TTC7B: variants seen among roughly 807,000 people sequenced by gnomAD.
The protein encoded by TTC7B is tetratricopeptide repeat domain 7B, also known as tetratricopeptide repeat protein 7B.
Under a neutral mutation model 106.8 loss-of-function variants are expected in TTC7B, and 28 were observed. That is an observed-to-expected ratio of 0.26 (90% confidence interval 0.19 to 0.36). The LOEUF (loss-of-function observed/expected upper bound fraction) is 0.36. Ranked by LOEUF, TTC7B falls within the 10% of genes least tolerant of loss-of-function variation. The pLI, the probability that TTC7B is intolerant of heterozygous loss-of-function variation, is 1.00. For synonymous variants in TTC7B, 405 were observed against 430.6 expected, an observed-to-expected ratio of 0.94 and a Z score of 0.74; for missense variants, 862 against 1,076.4, an observed-to-expected ratio of 0.80 and a Z score of 2.79.
intron 16 of TTC7B, among the ~76,000 whole-genome samples, chr14:90,612,779 A>G (rs993827994): frequency 3.3e-5 from 5 of 152,176 alleles, no homozygotes; most frequent in African/African-American, 1.2e-4. Flanking sequence ...TGTGTATAAA[A>G]CCACATACCT....
chr14:90,719,535 T>C (rs1888803177), intron 5 of TTC7B, among the ~76,000 whole-genome samples: 1 of 152,100 alleles, frequency 6.6e-6, no homozygotes, highest in South Asian at 2.1e-4. Flanking sequence ...ACGTGGGGCC[T>C]GAGATGTTAA....
chr14:90,750,825 A>G (rs1890112233), intron 3 of TTC7B, among the ~76,000 whole-genome samples: 1 of 152,240 alleles, frequency 6.6e-6, no homozygotes, highest in East Asian at 1.9e-4. Flanking sequence ...ATCTCAGAGC[A>G]ATGGCAGAGT....
chr14:90,705,375 G>C (rs979186790), intron 5 of TTC7B, among the ~76,000 whole-genome samples: 1 of 152,096 alleles, frequency 6.6e-6, no homozygotes, highest in Non-Finnish European at 1.5e-5. Context: ...AACTGATAAG[G>C]AGGGAAACTG....
chr14:90,589,360 G>A (rs1595183616), intron 18 of TTC7B, among the ~76,000 whole-genome samples: 1 of 152,192 alleles, frequency 6.6e-6, no homozygotes, highest in Non-Finnish European at 1.5e-5. Context: ...ATGAAATGGT[G>A]CAGGATTTGC....
intron 18 of TTC7B, among the ~76,000 whole-genome samples, chr14:90,584,695 A>G (rs568162386): frequency 2.6e-4 from 40 of 151,332 alleles, no homozygotes; most frequent in African/African-American, 9.0e-4. Flanking sequence ...GAAAGGACGC[A>G]TGGCAGTAGG....
At chr14:90,568,227 C>A (rs765670878) in intron 19 of TTC7B, among the ~76,000 whole-genome samples, 1 of 152,070 alleles carries the variant, frequency 6.6e-6, no homozygotes, top group Non-Finnish European at 1.5e-5. Flanking sequence ...AAGTAAGGAG[C>A]GGGAATCGGG....
chr14:90,730,719 G>A (rs1189263162), intron 4 of TTC7B, among the ~76,000 whole-genome samples: 1 of 152,196 alleles, frequency 6.6e-6, no homozygotes, highest in Non-Finnish European at 1.5e-5. Context: ...CAGAGCTGAG[G>A]GACATTGCAG....
chr14:90,780,023 A>C (rs1428222201), intron 3 of TTC7B, among the ~76,000 whole-genome samples: 1 of 152,170 alleles, frequency 6.6e-6, no homozygotes, highest in Non-Finnish European at 1.5e-5. Context: ...ATGAATCCCT[A>C]CATGCTGTGC....
At chr14:90,723,173 C>T (rs1457611167) in intron 5 of TTC7B, among the ~76,000 whole-genome samples, 2 of 152,172 alleles carry the variant, frequency 1.3e-5, no homozygotes, top group African/African-American at 4.8e-5. Flanking sequence ...ACCAATGGTT[C>T]AAGGCTGAAA....
At chr14:90,697,143 C>A (rs1363350295) in intron 5 of TTC7B, among the ~76,000 whole-genome samples, 1 of 151,950 alleles carries the variant, frequency 6.6e-6, no homozygotes, top group South Asian at 2.1e-4. Context: ...AAGTGGAGAC[C>A]CTGGTTGAAG....
chr14:90,697,131 A>G (rs1165414632), intron 5 of TTC7B, among the ~76,000 whole-genome samples: 2 of 152,222 alleles, frequency 1.3e-5, no homozygotes, highest in African/African-American at 2.4e-5. Flanking sequence ...CTGAGGCAAC[A>G]TAAGTGGAGA....
Position 90,757,905 on chromosome 14 carries a change from C to G in TTC7B, c.446-12983G>C, listed in dbSNP as rs1890355773. On this transcript the variant is annotated intron_variant, in intron 3 of 19. Transcript: ENST00000328459. This position sits in a 1 kb window ranked among gnomAD's most constrained non-coding sequence, Gnocchi z 4.1. ...ATTCCTGCTAAAGCAGGAAACGCACCTTTACATCCTTTCTCTTTGTAAATA... is the reference window on the plus strand; with the variant it reads ...ATTCCTGCTAAAGCAGGAAACGCACGTTTACATCCTTTCTCTTTGTAAATA... 6.6e-6 allele frequency among the ~76,000 whole-genome samples: 1 copy of G among 152,152 alleles called. No individual in the cohort carries two copies. Among genetic ancestry groups the G allele is most frequent in the African/African-American group, 2.4e-5 (1 of 41,434 alleles).
chr14:90,571,801 A>G (rs1358732850), intron 19 of TTC7B, among the ~76,000 whole-genome samples: 1 of 152,238 alleles, frequency 6.6e-6, no homozygotes, highest in Non-Finnish European at 1.5e-5. Flanking sequence ...TCTTCTGAAG[A>G]CGTTTCTCCA....
intron 6 of TTC7B, among the ~76,000 whole-genome samples, chr14:90,694,262 T>G (rs1887587594): frequency 6.6e-6 from 1 of 151,926 alleles, no homozygotes. Flanking sequence ...AAACCACGAA[T>G]GGTATCATTC....
chr14:90,557,017 C>T (rs374286399), intron 19 of TTC7B, among the ~76,000 whole-genome samples: 2 of 152,190 alleles, frequency 1.3e-5, no homozygotes, highest in South Asian at 2.1e-4. Context: ...CATTCCCATG[C>T]GGCCACTGCA....
rs1218485397 is a variant in TTC7B at position 90,600,385 on chromosome 14, C to T, written c.1967-6759G>A. ...TCGCGCCTTGTGTCCCCCAGTGTGA[C>T]AGCAGGGGCGGGGCCGCTGCCCACC... is the stretch of plus-strand genomic sequence containing the variant. On this transcript the variant is annotated intron_variant, in intron 17 of 19. Transcript: ENST00000328459. This position sits in a 1 kb window ranked among gnomAD's most constrained non-coding sequence, Gnocchi z 4.3. Among the ~76,000 whole-genome samples, 2 of 152,204 alleles carry T rather than the reference C, an allele frequency of 1.3e-5. No homozygotes were observed. The highest frequency in any genetic ancestry group is 2.9e-5 in the Non-Finnish European group (2 of 68,042).
chr14:90,688,515 T>C (rs1887334959), intron 7 of TTC7B, among the ~76,000 whole-genome samples: 1 of 150,416 alleles, frequency 6.6e-6, no homozygotes. Context: ...CCCAGCTACT[T>C]GGGAGGCTGA....
chr14:90,745,194 G>T (rs1032265634), intron 3 of TTC7B, among the ~76,000 whole-genome samples: 1 of 151,790 alleles, frequency 6.6e-6, no homozygotes, highest in African/African-American at 2.4e-5. Context: ...TACTTGGGAG[G>T]CTGAGGTAGG....
chr14:90,689,775 T>C (rs2139938779), intron 6 of TTC7B, 63 bp from the exon 7 acceptor site: 1 of 1,544,748 alleles, frequency 6.5e-7, no homozygotes, highest in South Asian at 1.2e-5. Flanking sequence ...ATTCATTCAG[T>C]CAGTCAATAA....
Sources: gnomAD v4.1 joint callset for allele counts (sites outside exome capture counted in the v4.1 genomes callset) on GRCh38, gnomAD v4.1.1 for gene constraint, Gnocchi (gnomAD v3.1) non-coding constraint, MANE v1.5 for transcripts, NCBI Gene and HGNC (gene_info 2026-07-23, HGNC 2026-07-21) for gene names.